Variants in GRID2 observed in about 807,000 individuals in gnomAD.
GRID2 encodes the protein glutamate ionotropic receptor delta type subunit 2, also known as glutamate receptor ionotropic, delta-2.
A neutral mutation model predicts 114.8 loss-of-function variants in GRID2; 33 were observed. The observed-to-expected ratio is 0.29, with a 90% CI of 0.22 to 0.38. The LOEUF is 0.38. GRID2 is among the 10% of genes least tolerant of loss of function. The pLI is 1.00. For synonymous variants in GRID2, 505 were observed against 449.9 expected (o/e 1.12, Z -1.55); for missense variants, 1,184 against 1,257.7 (o/e 0.94, Z 0.89).
intron 8 of GRID2, among the ~76,000 whole-genome samples, chr4:93,272,281 T>C (rs1751544634): frequency 6.6e-6 from 1 of 152,062 alleles, no homozygotes. Flanking sequence ...ACAGAACAAA[T>C]AAAAGGATAT....
intron 1 of GRID2, among the ~76,000 whole-genome samples, chr4:92,498,772 C>T (rs1057009317): frequency 3.3e-5 from 5 of 151,678 alleles, no homozygotes; most frequent in African/African-American, 1.2e-4. Context: ...TGCACAAACA[C>T]ATATTCCTTC....
At chr4:92,627,452 TATAAA>T (rs1300185370) in intron 2 of GRID2, among the ~76,000 whole-genome samples, 10 of 151,656 alleles carry the variant, frequency 6.6e-5, no homozygotes, top group Non-Finnish European at 1.5e-4. Context: ...ATTTTTCTAA[TATAAA>T]AGAAGTGTAA....
chr4:93,236,883 G>C (rs1001229814), intron 7 of GRID2, among the ~76,000 whole-genome samples: 1 of 152,050 alleles, frequency 6.6e-6, no homozygotes, highest in Non-Finnish European at 1.5e-5. Context: ...CGATTTCTAA[G>C]AGAACTAAAA....
chr4:92,499,916 A>G (rs567509673), intron 1 of GRID2, among the ~76,000 whole-genome samples: 2 of 152,358 alleles, frequency 1.3e-5, no homozygotes, highest in Admixed American at 1.3e-4. Flanking sequence ...CGCCTGGCCT[A>G]TGAATGTTTT....
At chr4:93,484,703 C>A (rs1339175912) in intron 11 of GRID2, among the ~76,000 whole-genome samples, 1 of 151,896 alleles carries the variant, frequency 6.6e-6, no homozygotes, top group African/African-American at 2.4e-5. Context: ...AGTTGGTCAC[C>A]TATAGTTGGC....
At chr4:92,742,160 A>G (rs1448134151) in intron 2 of GRID2, among the ~76,000 whole-genome samples, 10 of 152,188 alleles carry the variant, frequency 6.6e-5, no homozygotes, top group Non-Finnish European at 1.5e-4. Flanking sequence ...ATTTATTTAT[A>G]GTGACTTCTT....
chr4:92,855,970 T>A (rs563072082), intron 2 of GRID2, among the ~76,000 whole-genome samples: 2 of 152,074 alleles, frequency 1.3e-5, no homozygotes, highest in Non-Finnish European at 1.5e-5. Flanking sequence ...CTTTTTCCAC[T>A]TGAAATATAT....
chr4:93,321,567 T>A (rs1757217282), intron 8 of GRID2, among the ~76,000 whole-genome samples: 1 of 152,104 alleles, frequency 6.6e-6, no homozygotes, highest in Non-Finnish European at 1.5e-5. Flanking sequence ...ATTTCATGTG[T>A]CATTTTAGAT....
chr4:92,940,413 A>T (rs1751018906), intron 2 of GRID2, among the ~76,000 whole-genome samples: 1 of 147,916 alleles, frequency 6.8e-6, no homozygotes, highest in African/African-American at 2.4e-5. Context: ...TTGTACATTG[A>T]GTTTGTATCC....
intron 10 of GRID2, among the ~76,000 whole-genome samples, chr4:93,427,802 C>T (rs1224550630): frequency 6.6e-6 from 1 of 151,952 alleles, no homozygotes; most frequent in African/African-American, 2.4e-5. Context: ...TGCCTCACTA[C>T]TCTTATAATT....
chr4:93,737,000 G>A (rs1730980695), intron 14 of GRID2, among the ~76,000 whole-genome samples: 1 of 151,872 alleles, frequency 6.6e-6, no homozygotes, highest in Non-Finnish European at 1.5e-5. Flanking sequence ...ACAAATTTGA[G>A]GTTTCATTCT....
intron 2 of GRID2, among the ~76,000 whole-genome samples, chr4:92,731,688 TAATTA>T (rs1186367491): frequency 6.6e-6 from 1 of 151,954 alleles, no homozygotes; most frequent in Non-Finnish European, 1.5e-5. Flanking sequence ...TAATATTTAT[TAATTA>T]AATTGAGTAA....
intron 2 of GRID2, among the ~76,000 whole-genome samples, chr4:93,022,768 C>T (rs1229436748): frequency 2.0e-5 from 3 of 151,784 alleles, no homozygotes; most frequent in Non-Finnish European, 4.4e-5. Context: ...GTATTATGCT[C>T]ATTTTTTCTT....
In GRID2 at chr4:93,243,459, T is replaced by A. The variant is rs200815808; in HGVS notation, c.1245+4969T>A. Among the ~76,000 whole-genome samples the A allele has an allele frequency of 2.6e-5, 4 of 152,062 alleles. No homozygotes were observed. In the East Asian group the frequency reaches 7.7e-4, roughly 29 times the overall value. ...TCCATGTCTCAAAAGGAGTGAATGG[T>A]TTTTCAGTTGACGGACTGTCAAGTT... On this transcript the variant is annotated intron_variant, in intron 8 of 15. Coordinates refer to ENST00000282020, the MANE Select transcript of GRID2 (RefSeq NM_001510.4).
At chr4:92,627,926 A>G (rs963022109) in intron 2 of GRID2, among the ~76,000 whole-genome samples, 1 of 152,264 alleles carries the variant, frequency 6.6e-6, no homozygotes, top group East Asian at 1.9e-4. Context: ...TATCAGTGTG[A>G]TTTTACTGAG....
At chr4:92,786,933 G>A (rs775159513) in intron 2 of GRID2, among the ~76,000 whole-genome samples, 3 of 151,900 alleles carry the variant, frequency 2.0e-5, no homozygotes, top group Non-Finnish European at 1.5e-5. Flanking sequence ...AAGGACAGAA[G>A]TGTCATTGAA....
In GRID2 at chr4:92,713,476, C is replaced by CATATATATATATATATATATAT. The variant is rs10593127; in HGVS notation, c.244+123211_244+123232dup. Among the ~76,000 whole-genome samples, 6 of 54,064 alleles carry CATATATATATATATATATATAT rather than the reference C, an allele frequency of 1.1e-4. 1 individual carries two copies. Among genetic ancestry groups the CATATATATATATATATATATAT allele is most frequent in the African/African-American group, 2.1e-4 (3 of 14,176 alleles). 35.5% of individuals were successfully genotyped at this position (54,064 alleles called of 152,430 possible). ...TTACATATATTTACATATACATATA[C>CATATATATATATATATATATAT]ATATATATATATATATATATATATA... On this transcript the variant is annotated intron_variant, in intron 2 of 15. Coordinates refer to ENST00000282020, the MANE Select transcript of GRID2 (RefSeq NM_001510.4).
intron 3 of GRID2, among the ~76,000 whole-genome samples, chr4:93,098,396 A>G (rs948544953): frequency 1.3e-5 from 2 of 151,992 alleles, no homozygotes; most frequent in African/African-American, 4.8e-5. Context: ...AGGCAGACTC[A>G]CCATCAGAGA....
intron 8 of GRID2, among the ~76,000 whole-genome samples, chr4:93,330,144 A>G (rs1217010069): frequency 1.3e-5 from 2 of 152,200 alleles, no homozygotes; most frequent in South Asian, 2.1e-4. Context: ...AAGAAGAACA[A>G]ACAAAAGTGC....
Sources: allele counts gnomAD v4.1 joint callset (sites outside exome capture counted in the v4.1 genomes callset), GRCh38; gene constraint gnomAD v4.1.1; transcripts MANE v1.5; gene names NCBI Gene and HGNC (gene_info 2026-07-23, HGNC 2026-07-21).